XRCC4: variants seen among roughly 807,000 people sequenced by gnomAD.
XRCC4 encodes the protein X-ray repair cross complementing 4, also known as DNA repair protein XRCC4.
A neutral mutation model predicts 39.1 loss-of-function variants in XRCC4; 28 were observed. The ratio of observed to expected loss-of-function variants is 0.72; its 90% confidence interval spans 0.53 to 0.98. The LOEUF (loss-of-function observed/expected upper bound fraction) is 0.98, where lower values mean the gene tolerates loss of function less well. Among genes scored for constraint, XRCC4 ranks in the 50% least tolerant of loss-of-function variants. The pLI, the probability that XRCC4 is intolerant of heterozygous loss-of-function variation, is 0.00. For synonymous variants in XRCC4, 123 were observed against 126.4 expected (o/e 0.97, Z 0.18); for missense variants, 350 against 376.4 (o/e 0.93, Z 0.58).
chr5:83,090,321 A>G (rs1194306976), intron 1 of XRCC4, among the ~76,000 whole-genome samples: 1 of 137,042 alleles, frequency 7.3e-6, no homozygotes, highest in African/African-American at 2.9e-5. Flanking sequence ...ACGAGATCTG[A>G]TGGTTTTATA....
chr5:83,236,235 C>T lies in XRCC4; in HGVS notation c.746-22295C>T, dbSNP rs113828361. ...AAATAATCCTAAAATGTATGTAGAA[C>T]CACAAAAGACTATCATAGCCAAAGG... is the stretch of plus-strand genomic sequence containing the variant. On this transcript the variant is annotated intron_variant, in intron 6 of 7. Transcript: ENST00000396027. Among the ~76,000 whole-genome samples the T allele has an allele frequency of 4.5e-3, 686 of 152,112 alleles. 2 individuals are homozygous for T. The highest frequency in any genetic ancestry group is 0.016 in the African/African-American group (654 of 41,518).
intron 7 of XRCC4, among the ~76,000 whole-genome samples, chr5:83,275,228 G>A (rs377741086): frequency 6.6e-6 from 1 of 152,090 alleles, no homozygotes; most frequent in Non-Finnish European, 1.5e-5. Context: ...TTTCAGACAT[G>A]GGAAGAACTC....
intron 1 of XRCC4, among the ~76,000 whole-genome samples, chr5:83,085,253 C>T (rs1745127866): frequency 1.3e-5 from 2 of 152,260 alleles, no homozygotes; most frequent in Non-Finnish European, 2.9e-5. Flanking sequence ...TTGTTGAAAC[C>T]TGTCAAAGTC....
intron 3 of XRCC4, among the ~76,000 whole-genome samples, chr5:83,193,273 TA>T (rs1042407899): frequency 1.0e-4 from 15 of 148,694 alleles, no homozygotes; most frequent in East Asian, 1.9e-4. Flanking sequence ...TTTTGAGAAT[TA>T]AAAAAAAAAA....
At chr5:83,305,285 A>C (rs1297867456) in intron 7 of XRCC4, among the ~76,000 whole-genome samples, 1 of 150,980 alleles carries the variant, frequency 6.6e-6, no homozygotes, top group Non-Finnish European at 1.5e-5. Context: ...CAGTAACTTC[A>C]GGTTTTTTTT....
At chr5:83,339,085 A>G (rs1210474769) in intron 7 of XRCC4, among the ~76,000 whole-genome samples, 1 of 152,230 alleles carries the variant, frequency 6.6e-6, no homozygotes, top group Non-Finnish European at 1.5e-5. Flanking sequence ...CAATTGTGGA[A>G]TACGGTGATC....
Position 83,111,320 on chromosome 5 carries a change from T to C in XRCC4, c.315+117T>C, listed in dbSNP as rs534349596. ...CCAGAACACCTCAGAAGCAAAAGCTTGAAAAGTACTTGGTTTCCAAATTAG... is the reference window on the plus strand; with the variant it reads ...CCAGAACACCTCAGAAGCAAAAGCTCGAAAAGTACTTGGTTTCCAAATTAG... On this transcript the variant is annotated intron_variant, in intron 3 of 7. Transcript: ENST00000396027. The C allele has an allele frequency of 6.7e-6, 5 of 748,434 alleles. No individual in the cohort carries two copies. The Admixed American group carries it at 1.6e-4, about 24-fold the overall frequency. 46.4% of individuals were successfully genotyped at this position (748,434 alleles called of 1,614,324 possible).
intron 7 of XRCC4, among the ~76,000 whole-genome samples, chr5:83,262,082 AAAAT>A (rs1391454193): frequency 6.6e-6 from 1 of 152,170 alleles, no homozygotes; most frequent in African/African-American, 2.4e-5. Flanking sequence ...GAGAGATATA[AAAAT>A]AAATCAGAAT....
At chr5:83,159,166 T>C (rs1749091700) in intron 3 of XRCC4, among the ~76,000 whole-genome samples, 1 of 152,184 alleles carries the variant, frequency 6.6e-6, no homozygotes, top group African/African-American at 2.4e-5. Context: ...TTCACAAAAA[T>C]ATTAAAATTT....
intron 1 of XRCC4, among the ~76,000 whole-genome samples, chr5:83,079,138 A>G (rs1744817823): frequency 6.6e-6 from 1 of 152,232 alleles, no homozygotes. Flanking sequence ...AGAGATCACA[A>G]TTGATTTGCT....
intron 7 of XRCC4, chr5:83,258,907 G>T (rs1580435088): frequency 8.7e-6 from 4 of 461,262 alleles, no homozygotes; most frequent in Non-Finnish European, 1.5e-5. Flanking sequence ...TTTTCTCATG[G>T]TTTTTATAGA....
At chr5:83,311,350 G>A (rs1755704804) in intron 7 of XRCC4, among the ~76,000 whole-genome samples, 1 of 152,124 alleles carries the variant, frequency 6.6e-6, no homozygotes, top group Admixed American at 6.5e-5. Context: ...ATAGCTAGAA[G>A]AGAATTAATT....
At chr5:83,142,581 A>G (rs1431125213) in intron 3 of XRCC4, among the ~76,000 whole-genome samples, 2 of 152,248 alleles carry the variant, frequency 1.3e-5, no homozygotes, top group African/African-American at 4.8e-5. Context: ...TGGAAGTGAA[A>G]GTAAAGTGTA....
At chr5:83,258,830 G>T (rs1293061462) in intron 7 of XRCC4, 153 bp downstream of exon 7, 3 of 979,826 alleles carry the variant, frequency 3.1e-6, no homozygotes, top group Non-Finnish European at 4.3e-6. Flanking sequence ...TCAATGTATT[G>T]TTTCAGTATT....
chr5:83,130,379 A>T (rs535298797), intron 3 of XRCC4, among the ~76,000 whole-genome samples: 1 of 152,140 alleles, frequency 6.6e-6, no homozygotes, highest in Non-Finnish European at 1.5e-5. Context: ...CCAGTATTTT[A>T]TTGAGGATTT....
intron 3 of XRCC4, among the ~76,000 whole-genome samples, chr5:83,127,330 G>A (rs1006216504): frequency 2.0e-5 from 3 of 152,178 alleles, no homozygotes; most frequent in African/African-American, 7.2e-5. Flanking sequence ...ACATCTTGTG[G>A]GAGGGACCTG....
intron 7 of XRCC4, among the ~76,000 whole-genome samples, chr5:83,260,946 A>G (rs1300200549): frequency 1.3e-5 from 2 of 152,060 alleles, no homozygotes; most frequent in African/African-American, 4.8e-5. Flanking sequence ...ATTAAGAGAA[A>G]TTTAGCATGT....
At chr5:83,286,160 G>C (rs1263253162) in intron 7 of XRCC4, among the ~76,000 whole-genome samples, 1 of 152,076 alleles carries the variant, frequency 6.6e-6, no homozygotes, top group Non-Finnish European at 1.5e-5. Flanking sequence ...GACTGAATTG[G>C]TCTGTCTGCG....
intron 6 of XRCC4, among the ~76,000 whole-genome samples, chr5:83,230,151 C>T (rs961226632): frequency 1.3e-5 from 2 of 151,902 alleles, no homozygotes; most frequent in African/African-American, 4.8e-5. Flanking sequence ...ATATATTTTA[C>T]CATAACAATT....
Sources: gnomAD v4.1 joint callset for allele counts (sites outside exome capture counted in the v4.1 genomes callset) on GRCh38, gnomAD v4.1.1 for gene constraint, MANE v1.5 for transcripts, NCBI Gene and HGNC (gene_info 2026-07-23, HGNC 2026-07-21) for gene names.